Variants in MYT1L observed in about 807,000 individuals in gnomAD.
The protein encoded by MYT1L is myelin transcription factor 1-like protein.
In MYT1L, 12 loss-of-function variants were observed where a neutral mutation model predicts 126.7. The ratio of observed to expected loss-of-function variants is 0.09; its 90% CI spans 0.06 to 0.15. The LOEUF (loss-of-function observed/expected upper bound fraction) is 0.15, where lower values mean the gene tolerates loss of function less well. Among genes scored for constraint, MYT1L ranks in the 10% least tolerant of loss-of-function variants. The pLI, the probability that MYT1L is intolerant of heterozygous loss-of-function variation, is 1.00. For synonymous variants in MYT1L, 541 were observed against 604.2 expected (o/e 0.90, Z 1.53); for missense variants, 979 against 1,585.2 (o/e 0.62, Z 6.49).
intron 3 of MYT1L, among the ~76,000 whole-genome samples, chr2:2,152,653 G>A (rs1028042664): frequency 5.3e-5 from 8 of 152,160 alleles, no homozygotes; most frequent in East Asian, 1.9e-4. Context: ...GATGAGCCCC[G>A]TGCATGGTGT....
At chr2:2,139,872 GTGTTTTCA>G (rs1412879864) in intron 3 of MYT1L, among the ~76,000 whole-genome samples, 1 of 152,068 alleles carries the variant, frequency 6.6e-6, no homozygotes, top group Non-Finnish European at 1.5e-5. Flanking sequence ...AAATAAAAAT[GTGTTTTCA>G]TTTCCTCAGG....
chr2:2,138,024 G>A (rs1338113607), intron 3 of MYT1L, among the ~76,000 whole-genome samples: 1 of 152,154 alleles, frequency 6.6e-6, no homozygotes, highest in African/African-American at 2.4e-5. Flanking sequence ...CAAAAAGTGG[G>A]CAAAGGACAT....
chr2:2,323,811 G>T (rs569490912), intron 1 of MYT1L, among the ~76,000 whole-genome samples: 8 of 152,148 alleles, frequency 5.3e-5, no homozygotes, highest in Non-Finnish European at 1.0e-4. Context: ...CCAGTAAGTT[G>T]CTGGTTAAAT....
chr2:2,323,904 C>T (rs2096209879), intron 1 of MYT1L: 1 of 152,122 alleles, frequency 6.6e-6, no homozygotes, highest in Non-Finnish European at 1.5e-5. Flanking sequence ...ACAACATTTG[C>T]TAATTTTGCT....
intron 8 of MYT1L, among the ~76,000 whole-genome samples, chr2:1,976,078 A>C (rs1476747643): frequency 6.6e-5 from 10 of 151,836 alleles, no homozygotes; most frequent in Non-Finnish European, 4.4e-5. Flanking sequence ...TTGTAACCTT[A>C]ACATAAACAC....
intron 19 of MYT1L, among the ~76,000 whole-genome samples, chr2:1,847,565 C>T (rs554032481): frequency 5.3e-5 from 8 of 151,698 alleles, no homozygotes; most frequent in Admixed American, 1.3e-4. Flanking sequence ...GCCTGGGGGT[C>T]GGAGAAAAGA....
At chr2:2,001,704 G>T (rs2062412279) in intron 4 of MYT1L, among the ~76,000 whole-genome samples, 1 of 152,274 alleles carries the variant, frequency 6.6e-6, no homozygotes, top group South Asian at 2.1e-4. Context: ...GAAGCACAGG[G>T]TGTCCTGAAG....
chr2:2,247,826 T>C (rs74373767), intron 2 of MYT1L, among the ~76,000 whole-genome samples: 8,206 of 152,118 alleles, frequency 0.054, 317 homozygotes, highest in Middle Eastern at 0.11. Context: ...AATTGGAAAC[T>C]TTCTTGAAAC....
rs1476938906 is a variant in MYT1L at position 1,792,472 on chromosome 2, G to A, written c.3277-8C>T. The A allele has an allele frequency of 3.1e-6, 5 of 1,611,422 alleles. No homozygotes were observed. The highest frequency in any genetic ancestry group is 2.2e-5 in the South Asian group (2 of 90,710). On this transcript the variant is annotated splice_polypyrimidine_tract_variant and splice_region_variant and intron_variant, in intron 23 of 24. Transcript: ENST00000647738. Reference sequence around the variant, plus strand: ...GCTCTCCATCGTGGTAATCTGAAACGCACAAGTGTGCGTGACATGTAACAC... The same window carrying A: ...GCTCTCCATCGTGGTAATCTGAAACACACAAGTGTGCGTGACATGTAACAC...
chr2:2,106,841 C>T (rs2078823029), intron 3 of MYT1L, among the ~76,000 whole-genome samples: 1 of 152,100 alleles, frequency 6.6e-6, no homozygotes, highest in South Asian at 2.1e-4. Flanking sequence ...TACTATGTGC[C>T]CCCAAACCTG....
In MYT1L at chr2:1,889,611, G is replaced by A; in HGVS notation, c.2284-134C>T. The A allele has an allele frequency of 1.5e-6, 1 of 662,464 alleles. No individual in the cohort carries two copies. The allele number at this position is 662,464 out of a possible 1,614,324, so 41.0% of individuals were successfully genotyped here. A position where few individuals can be genotyped will look rare whatever the true frequency, so the allele number is the denominator to read the frequency against. ...AGAATCCCTCGCTGCTGTTTCCTTG[G>A]CCTAAACTCCCAAGGCGGACAGGCC... is the stretch of plus-strand genomic sequence containing the variant. On this transcript the variant is annotated intron_variant, in intron 15 of 24. Coordinates refer to ENST00000647738, the MANE Select transcript of MYT1L (RefSeq NM_001303052.2). This position sits in a 1 kb window ranked among gnomAD's most constrained non-coding sequence, Gnocchi z 4.1.
chr2:1,914,662 G>A (rs539075617), intron 11 of MYT1L, among the ~76,000 whole-genome samples: 7 of 152,320 alleles, frequency 4.6e-5, no homozygotes, highest in Admixed American at 6.5e-5. Flanking sequence ...TGGCCCTGCT[G>A]CTCAGCTTTC....
At chr2:2,012,257 C>A (rs1199479684) in intron 4 of MYT1L, among the ~76,000 whole-genome samples, 1 of 152,162 alleles carries the variant, frequency 6.6e-6, no homozygotes, top group Non-Finnish European at 1.5e-5. Context: ...TATATGAATT[C>A]ATAGATAATG....
chr2:1,900,428 C>T (rs2050181650), intron 14 of MYT1L, among the ~76,000 whole-genome samples: 1 of 152,082 alleles, frequency 6.6e-6, no homozygotes, highest in South Asian at 2.1e-4. Context: ...GCCTCCTGAG[C>T]AGCTGGGACT....
chr2:2,038,349 G>A (rs1424411509), intron 4 of MYT1L, among the ~76,000 whole-genome samples: 1 of 152,086 alleles, frequency 6.6e-6, no homozygotes, highest in Non-Finnish European at 1.5e-5. Flanking sequence ...GTTCTCAGGT[G>A]ACCCCATTAT....
intron 20 of MYT1L, among the ~76,000 whole-genome samples, chr2:1,839,982 A>G (rs1313191293): frequency 6.6e-6 from 1 of 152,196 alleles, no homozygotes; most frequent in Non-Finnish European, 1.5e-5. Flanking sequence ...ACCAAGACAC[A>G]CACCAGGGCA....
At chr2:2,109,456 G>A (rs908418728) in intron 3 of MYT1L, among the ~76,000 whole-genome samples, 1 of 151,982 alleles carries the variant, frequency 6.6e-6, no homozygotes, top group Non-Finnish European at 1.5e-5. Context: ...GAAAGGGATG[G>A]AATGTCGCAG....
At chr2:2,001,542 C>T (rs761429236) in intron 4 of MYT1L, among the ~76,000 whole-genome samples, 9 of 152,162 alleles carry the variant, frequency 5.9e-5, no homozygotes, top group East Asian at 3.8e-4. Context: ...TGAGTGAGAG[C>T]GTCTCTGCAC....
At chr2:2,031,576 C>T (rs1266021031) in intron 4 of MYT1L, among the ~76,000 whole-genome samples, 86 of 101,216 alleles carry the variant, frequency 8.5e-4, no homozygotes, top group East Asian at 1.7e-3. Context: ...GAGGGCCTTA[C>T]ACACACCCCT....
Sources: gnomAD v4.1 joint callset for allele counts (sites outside exome capture counted in the v4.1 genomes callset) on GRCh38, gnomAD v4.1.1 for gene constraint, Gnocchi (gnomAD v3.1) non-coding constraint, MANE v1.5 for transcripts, NCBI Gene and HGNC (gene_info 2026-07-23, HGNC 2026-07-21) for gene names.